MYO16: variants seen among roughly 807,000 people sequenced by gnomAD.
The protein encoded by MYO16 is myosin XVI.
MYO16 carries 94 observed loss-of-function variants against 205.3 expected under a neutral mutation model. The observed-to-expected ratio is 0.46, with a 90% CI of 0.39 to 0.54. The LOEUF is 0.54. MYO16 is among the 20% of genes least tolerant of loss of function. MYO16 has a pLI of 0.00. For synonymous variants in MYO16, 988 were observed against 954.0 expected, an observed-to-expected ratio of 1.04 and a Z score of -0.66; for missense variants, 2,315 against 2,387.5, an observed-to-expected ratio of 0.97 and a Z score of 0.63.
At chr13:108,516,217 C>T in the MYO16 span, among the ~76,000 whole-genome samples, 3 of 152,108 alleles carry the variant, frequency 2.0e-5, no homozygotes, top group South Asian at 2.1e-4. Context: ...GCGCAATATT[C>T]GGGTGGGAGT....
At chr13:109,176,446 T>A (rs928721590) in intron 33 of MYO16, among the ~76,000 whole-genome samples, 2 of 151,726 alleles carry the variant, frequency 1.3e-5, no homozygotes, top group Admixed American at 6.6e-5. Flanking sequence ...TTATTTTTAA[T>A]GTTTATAGAG....
At chr13:108,618,148 T>C (rs752314422) in intron 1 of MYO16, among the ~76,000 whole-genome samples, 21 of 152,190 alleles carry the variant, frequency 1.4e-4, no homozygotes, top group Admixed American at 7.2e-4. Context: ...GTCCATCTTG[T>C]CTCCCTCAAA....
intron 1 of MYO16, among the ~76,000 whole-genome samples, chr13:108,644,390 A>G (rs1419190210): frequency 7.3e-5 from 11 of 150,502 alleles, no homozygotes; most frequent in African/African-American, 2.2e-4. Flanking sequence ...CTATCTATCT[A>G]TCTATCTATC....
rs1884959170 is a variant in MYO16, at chr13:108,743,112, A to T, written c.507+15529A>T. 2.6e-5 allele frequency among the ~76,000 whole-genome samples: 4 copies of T among 152,360 alleles called. No individual in the cohort carries two copies. In the South Asian group the frequency reaches 8.3e-4, roughly 32 times the overall value. The stretch of plus-strand genomic sequence containing the variant: ...GTTGCATTTCAAACCATAAGAAACA[A>T]AATACTTTTACATTGGTATTAATTA... On this transcript the variant is annotated intron_variant, in intron 4 of 34. Coordinates refer to ENST00000457511, the MANE Select transcript of MYO16 (RefSeq NM_001198950.3).
the MYO16 span, among the ~76,000 whole-genome samples, chr13:108,546,434 G>A: frequency 2.0e-5 from 3 of 152,204 alleles, no homozygotes; most frequent in Non-Finnish European, 2.9e-5. Flanking sequence ...GTGTAATGTG[G>A]CAATGCAATA....
At chr13:108,856,282 C>G (rs142248192) in intron 11 of MYO16, among the ~76,000 whole-genome samples, 1 of 152,266 alleles carries the variant, frequency 6.6e-6, no homozygotes, top group Admixed American at 6.5e-5. Flanking sequence ...ATAAAGAAAT[C>G]TGATTATGCA....
chr13:108,847,991 TAG>T (rs1054297820), intron 10 of MYO16, among the ~76,000 whole-genome samples: 64 of 152,142 alleles, frequency 4.2e-4, no homozygotes, highest in African/African-American at 1.5e-3. Flanking sequence ...CAGCCTGGAG[TAG>T]AGAGAGAGCG....
chr13:108,989,975 C>G (rs1884772019), intron 20 of MYO16, among the ~76,000 whole-genome samples: 1 of 152,004 alleles, frequency 6.6e-6, no homozygotes, highest in South Asian at 2.1e-4. Context: ...TTTACTTGGT[C>G]TCCTATTTGT....
At chr13:108,890,035 G>C (rs1248274351) in intron 14 of MYO16, among the ~76,000 whole-genome samples, 3 of 151,546 alleles carry the variant, frequency 2.0e-5, no homozygotes, top group Non-Finnish European at 4.4e-5. Flanking sequence ...GGGCTCAAGT[G>C]ATCCTCCCAC....
At chr13:109,049,922 T>A (rs1887185908) in intron 24 of MYO16, among the ~76,000 whole-genome samples, 1 of 142,018 alleles carries the variant, frequency 7.0e-6, no homozygotes, top group African/African-American at 2.6e-5. Flanking sequence ...TTCCTTCCTT[T>A]GTCCTGTGTG....
intron 33 of MYO16, among the ~76,000 whole-genome samples, chr13:109,176,289 C>G (rs1879169935): frequency 5.0e-3 from 1 of 200 alleles, no homozygotes; most frequent in Non-Finnish European, 0.016. Flanking sequence ...CCTTTATTTT[C>G]TAAACTTTTA....
the MYO16 span, among the ~76,000 whole-genome samples, chr13:108,581,103 C>T: frequency 3.3e-5 from 5 of 151,938 alleles, no homozygotes; most frequent in African/African-American, 1.2e-4. Context: ...CACCTGTGTG[C>T]ATATGATGAA....
In MYO16 at chr13:108,852,538, G is replaced by T. The variant is rs563336765; in HGVS notation, c.1249-2905G>T. Among the ~76,000 whole-genome samples, 32 of 152,300 alleles carry T rather than the reference G, an allele frequency of 2.1e-4. 1 individual carries two copies. The South Asian group carries it at 6.0e-3, about 29-fold the overall frequency. On this transcript the variant is annotated intron_variant, in intron 10 of 34. Coordinates refer to ENST00000457511, the MANE Select transcript of MYO16 (RefSeq NM_001198950.3). ...CAAAATTTTAAAAAAATGTTATTCA[G>T]CAGAAGAACCTTCCTCAGAAAGAAA...
At chr13:109,163,896 T>C (rs1287112379) in intron 32 of MYO16, 1 of 152,162 alleles carries the variant, frequency 6.6e-6, no homozygotes, top group Non-Finnish European at 1.5e-5. Flanking sequence ...AAGCAAATGA[T>C]GTGTGTTGTC....
At chr13:108,650,771 G>C (rs997242962) in intron 1 of MYO16, among the ~76,000 whole-genome samples, 1 of 152,178 alleles carries the variant, frequency 6.6e-6, no homozygotes. Flanking sequence ...AAGACGCTCA[G>C]TAGTGGAGGC....
intron 15 of MYO16, among the ~76,000 whole-genome samples, chr13:108,899,376 T>C (rs1382111043): frequency 1.3e-5 from 2 of 150,968 alleles, no homozygotes; most frequent in Admixed American, 6.6e-5. Flanking sequence ...TAAGCAGATA[T>C]CACACCATTG....
At chr13:108,908,982 A>T (rs1369905589) in intron 15 of MYO16, among the ~76,000 whole-genome samples, 6 of 142,142 alleles carry the variant, frequency 4.2e-5, no homozygotes, top group East Asian at 4.5e-4. Flanking sequence ...CAAAAAAAAT[A>T]AAATAAAATA....
chr13:108,599,560 T>A (rs1878687492), intron 1 of MYO16, among the ~76,000 whole-genome samples: 1 of 152,164 alleles, frequency 6.6e-6, no homozygotes, highest in South Asian at 2.1e-4. Context: ...AGTCAGCTTA[T>A]AGCTAAGAAG....
intron 16 of MYO16, among the ~76,000 whole-genome samples, chr13:108,929,813 A>G (rs1882175978): frequency 6.6e-6 from 1 of 152,210 alleles, no homozygotes; most frequent in Non-Finnish European, 1.5e-5. Flanking sequence ...AAATGTACTT[A>G]GCTATTCACT....
Sources: gnomAD v4.1 joint callset for allele counts (sites outside exome capture counted in the v4.1 genomes callset) on GRCh38, gnomAD v4.1.1 for gene constraint, MANE v1.5 for transcripts, NCBI Gene and HGNC (gene_info 2026-07-23, HGNC 2026-07-21) for gene names.